ALDH18A1: variants seen among roughly 807,000 people sequenced by gnomAD.
ALDH18A1 encodes the protein delta-1-pyrroline-5-carboxylate synthase.
Under a neutral mutation model 88.8 loss-of-function variants are expected in ALDH18A1, and 44 were observed. The ratio of observed to expected loss-of-function variants is 0.50; its 90% confidence interval spans 0.39 to 0.64. The LOEUF is 0.64. Ranked by LOEUF, ALDH18A1 falls within the 30% of genes least tolerant of loss-of-function variation. ALDH18A1 has a pLI of 0.00. For synonymous variants in ALDH18A1, 331 were observed against 372.1 expected (o/e 0.89, Z 1.27); for missense variants, 782 against 1,009.5 (o/e 0.77, Z 3.05).
rs140712595 is a variant in ALDH18A1 at position 95,616,502 on chromosome 10, T to C, written c.1580A>G (p.His527Arg). Residue 527 changes from histidine to arginine, a missense_variant, in exon 13 of 18, where the codon CAT becomes CGT. This residue lies in a region of ALDH18A1 where 556 missense variants were observed against 654.5 expected (regional missense o/e 0.85). Coordinates refer to ENST00000371224, the MANE Select transcript of ALDH18A1 (RefSeq NM_002860.4). ...CAGTTGCACGGCCTCCTTGACTCCATGGATTGAGAGAGCCTCCTGGGTCAG... is the reference window on the plus strand; with the variant it reads ...CAGTTGCACGGCCTCCTTGACTCCACGGATTGAGAGAGCCTCCTGGGTCAG... ...HLLTQEALSI[H>R]GVKEAVQLVN... is the part of the protein sequence containing the mutation. The C allele has an allele frequency of 5.1e-6, 8 of 1,572,434 alleles. No individual in the cohort carries two copies. Among genetic ancestry groups the C allele is most frequent in the East Asian group, 2.3e-5 (1 of 43,528 alleles).
At chr10:95,628,941 A>G (rs2097864188) in intron 7 of ALDH18A1, 1 of 234,650 alleles carries the variant, frequency 4.3e-6, no homozygotes, top group African/African-American at 2.3e-5. Context: ...GGTACTCATT[A>G]ACTCTCACAG....
chr10:95,613,053 A>C (rs986121112), intron 15 of ALDH18A1, among the ~76,000 whole-genome samples: 1 of 152,270 alleles, frequency 6.6e-6, no homozygotes, highest in African/African-American at 2.4e-5. Context: ...GCTGGTTTAT[A>C]TAACTCTGAA....
intron 5 of ALDH18A1, among the ~76,000 whole-genome samples, chr10:95,634,383 T>C (rs546389874): frequency 3.9e-5 from 6 of 152,292 alleles, no homozygotes; most frequent in African/African-American, 2.4e-5. Flanking sequence ...GGACTAAAGA[T>C]GCACACCGCT....
At chr10:95,607,239 C>T (rs1408281359) in intron 17 of ALDH18A1, among the ~76,000 whole-genome samples, 2 of 152,202 alleles carry the variant, frequency 1.3e-5, no homozygotes, top group East Asian at 3.8e-4. Context: ...ATCAGTTTAG[C>T]ATCTGAATTG....
At position 95,642,200 on chromosome 10, in the gene ALDH18A1, C is replaced by T. The variant is rs186997913; in HGVS notation, c.303+792G>A. 2.1e-3 allele frequency among the ~76,000 whole-genome samples: 326 copies of T among 152,264 alleles called. 2 individuals carry two copies. The highest frequency in any genetic ancestry group is 8.5e-3 in the South Asian group (41 of 4,826). On this transcript the variant is annotated intron_variant, in intron 3 of 17. Transcript: ENST00000371224. ...ACTTTTGGCCAAATCTGGCATGCTGCTGGTTTTTGTAAATGAAATTTTATC... is the reference window on the plus strand; with the variant it reads ...ACTTTTGGCCAAATCTGGCATGCTGTTGGTTTTTGTAAATGAAATTTTATC...
intron 15 of ALDH18A1, 135 bp downstream of exon 15, chr10:95,613,607 A>C: frequency 8.4e-7 from 1 of 1,184,884 alleles, no homozygotes; most frequent in Non-Finnish European, 1.2e-6. Flanking sequence ...CACTTTACTT[A>C]GCATGGAACT....
At chr10:95,642,452 G>A (rs11188413) in intron 3 of ALDH18A1, among the ~76,000 whole-genome samples, 11,755 of 152,062 alleles carry the variant, frequency 0.077, 529 homozygotes, top group African/African-American at 0.11. Flanking sequence ...CTGTCTCTAC[G>A]AAAAATACAA....
intron 5 of ALDH18A1, 100 bp from the exon 6 acceptor site, chr10:95,633,749 T>G (rs2097875235): frequency 7.5e-6 from 10 of 1,339,588 alleles, no homozygotes; most frequent in Non-Finnish European, 8.4e-6. Context: ...ACTTTAGGTT[T>G]CTGGGGCCCC....
intron 13 of ALDH18A1, 131 bp downstream of exon 13, chr10:95,616,346 A>T: frequency 7.7e-7 from 1 of 1,303,268 alleles, no homozygotes; most frequent in Non-Finnish European, 1.1e-6. Flanking sequence ...CTGAAGGCTC[A>T]CAGGCCTGCT....
At chr10:95,629,437 G>A (rs919444919) in intron 7 of ALDH18A1, among the ~76,000 whole-genome samples, 1 of 152,154 alleles carries the variant, frequency 6.6e-6, no homozygotes, top group Non-Finnish European at 1.5e-5. Context: ...AGGGAAGTGA[G>A]GAAATCAATG....
At chr10:95,642,969 A>G (rs767905879) in intron 3 of ALDH18A1, 23 bp downstream of exon 3, 3 of 1,612,136 alleles carry the variant, frequency 1.9e-6, no homozygotes, top group Non-Finnish European at 2.5e-6. Context: ...TTAGTACAGC[A>G]TAATTTCTAT....
intron 12 of ALDH18A1, among the ~76,000 whole-genome samples, chr10:95,618,953 T>TA (rs1289821032): frequency 6.6e-6 from 1 of 152,206 alleles, no homozygotes; most frequent in Non-Finnish European, 1.5e-5. Context: ...TACTTTAGGA[T>TA]ACTGGAGGAA....
At chr10:95,626,563 C>T in intron 10 of ALDH18A1, 140 bp downstream of exon 10, 2 of 794,720 alleles carry the variant, frequency 2.5e-6, no homozygotes, top group South Asian at 3.1e-5. Flanking sequence ...AAAGGCAGAG[C>T]AAATTTGAAT....
At chr10:95,625,125 T>A (rs954382569) in intron 11 of ALDH18A1, among the ~76,000 whole-genome samples, 3 of 152,198 alleles carry the variant, frequency 2.0e-5, no homozygotes, top group Non-Finnish European at 4.4e-5. Context: ...ACCGCCATAG[T>A]AGCCACAGCT....
Position 95,628,454 on chromosome 10 carries a change from G to C in ALDH18A1, c.847C>G (p.Leu283Val). The C allele has an allele frequency of 1.2e-6, 2 of 1,613,972 alleles. No individual in the cohort carries two copies. The highest frequency in any genetic ancestry group is 1.7e-6 in the Non-Finnish European group (2 of 1,179,946). The change falls in exon 8 of 18, where the codon CTT becomes GTT. Residue 283 changes from leucine (L) to valine (V), a missense_variant. By Grantham distance (32) the Leu-to-Val change is conservative. Transcript: ENST00000371224. Reference protein sequence around the residue: ...DSPPGSDDAKLIDIFYPGDQQ... With the variant: ...DSPPGSDDAKVIDIFYPGDQQ... The stretch of plus-strand genomic sequence containing the variant: ...TCTCCGGGATAAAATATATCAATAA[G>C]CTTTGCATCATCTGAACCTGGGGGG...
intron 15 of ALDH18A1, among the ~76,000 whole-genome samples, chr10:95,612,120 A>G (rs2097836067): frequency 6.6e-6 from 1 of 152,224 alleles, no homozygotes; most frequent in South Asian, 2.1e-4. Flanking sequence ...ACTCGTGTGG[A>G]AAAAGGGAGG....
In ALDH18A1 at chr10:95,619,616, G is replaced by C. The variant is rs1167565988; in HGVS notation, c.1467+1415C>G. On this transcript the variant is annotated intron_variant, in intron 12 of 17. Coordinates refer to ENST00000371224, the MANE Select transcript of ALDH18A1 (RefSeq NM_002860.4). Reference sequence around the variant, plus strand: ...GATAGACCAATGGAACAGAACAGAGGCCTAAGAAATAACACCACACATCTA... The same window carrying C: ...GATAGACCAATGGAACAGAACAGAGCCCTAAGAAATAACACCACACATCTA... 2.6e-5 allele frequency among the ~76,000 whole-genome samples: 4 copies of C among 152,058 alleles called. No individual in the cohort carries two copies. In the East Asian group the frequency reaches 5.8e-4, roughly 22 times the overall value.
chr10:95,646,619 T>C (rs1566043522), intron 2 of ALDH18A1, among the ~76,000 whole-genome samples: 1 of 152,162 alleles, frequency 6.6e-6, no homozygotes, highest in African/African-American at 2.4e-5. Context: ...TTTAATGTTC[T>C]ACAATGTATT....
intron 5 of ALDH18A1, 83 bp downstream of exon 5, chr10:95,637,010 C>T (rs540234524): frequency 7.9e-7 from 1 of 1,262,968 alleles, no homozygotes; most frequent in Non-Finnish European, 1.1e-6. Flanking sequence ...ACACCATATT[C>T]CAATAGTCTG....
Sources: gnomAD v4.1 joint callset for allele counts (sites outside exome capture counted in the v4.1 genomes callset) on GRCh38, gnomAD v4.1.1 for gene constraint, gnomAD v4.1.1 regional missense constraint, MANE v1.5 for transcripts, NCBI Gene and HGNC (gene_info 2026-07-23, HGNC 2026-07-21) for gene names.